Variants in FSTL4 observed in about 807,000 individuals in gnomAD.
FSTL4 encodes the protein follistatin-related protein 4.
In FSTL4, 28 loss-of-function variants were observed where a neutral mutation model predicts 78.2. The ratio of observed to expected loss-of-function variants is 0.36; its 90% CI spans 0.27 to 0.49. FSTL4 has a LOEUF of 0.49. FSTL4 is among the 20% of genes least tolerant of loss of function. FSTL4 has a pLI of 0.98. For synonymous variants in FSTL4, 422 were observed against 440.5 expected (o/e 0.96, Z 0.53); for missense variants, 922 against 1,084.9 (o/e 0.85, Z 2.11).
chr5:133,525,596 T>C (rs370244404), intron 3 of FSTL4, among the ~76,000 whole-genome samples: 18 of 152,350 alleles, frequency 1.2e-4, no homozygotes, highest in African/African-American at 4.3e-4. Flanking sequence ...GTCCTGGCCT[T>C]GGCAATGATG....
intron 3 of FSTL4, among the ~76,000 whole-genome samples, chr5:133,465,267 C>G (rs1200782110): frequency 6.6e-6 from 1 of 152,220 alleles, no homozygotes; most frequent in Non-Finnish European, 1.5e-5. Flanking sequence ...TTCTTACCCA[C>G]CCTTCAAAGT....
At chr5:133,302,011 CA>C (rs549082735) in intron 6 of FSTL4, among the ~76,000 whole-genome samples, 67 of 152,136 alleles carry the variant, frequency 4.4e-4, no homozygotes, top group African/African-American at 1.5e-3. Context: ...CAGAGGAGAA[CA>C]AAACTCTTCT....
intron 6 of FSTL4, among the ~76,000 whole-genome samples, chr5:133,286,802 T>C (rs768514352): frequency 3.9e-4 from 60 of 152,196 alleles, no homozygotes; most frequent in South Asian, 8.3e-4. Context: ...TCTCTCTGTT[T>C]TTACTTTAAG....
chr5:133,710,211 C>T, the FSTL4 span, among the ~76,000 whole-genome samples: 1 of 152,216 alleles, frequency 6.6e-6, no homozygotes, highest in Admixed American at 6.5e-5. Flanking sequence ...GAAAAATGGA[C>T]TCTGCAATAT....
chr5:133,550,614 T>C (rs246418), intron 3 of FSTL4, among the ~76,000 whole-genome samples: 10,982 of 152,284 alleles, frequency 0.072, 537 homozygotes, highest in Non-Finnish European at 0.099. Flanking sequence ...AGGAGGTAGA[T>C]AGAACTATCA....
intron 6 of FSTL4, among the ~76,000 whole-genome samples, chr5:133,302,259 C>T (rs1301065976): frequency 6.6e-6 from 1 of 152,094 alleles, no homozygotes; most frequent in Non-Finnish European, 1.5e-5. Flanking sequence ...AGAACATCTG[C>T]TCCTCCATCC....
At chr5:133,396,595 G>A (rs140167078) in intron 4 of FSTL4, among the ~76,000 whole-genome samples, 96 of 152,340 alleles carry the variant, frequency 6.3e-4, no homozygotes, top group South Asian at 1.4e-3. Flanking sequence ...AGCTGGGGAT[G>A]TAAGAAGCTT....
At chr5:133,689,525 G>A in the FSTL4 span, among the ~76,000 whole-genome samples, 7 of 152,154 alleles carry the variant, frequency 4.6e-5, no homozygotes, top group African/African-American at 1.7e-4. Flanking sequence ...TATTTATTTG[G>A]TCTACAGATA....
At chr5:133,770,229 C>A in the FSTL4 span, among the ~76,000 whole-genome samples, 1 of 152,068 alleles carries the variant, frequency 6.6e-6, no homozygotes, top group Non-Finnish European at 1.5e-5. Context: ...ATAATTATTT[C>A]TTTCCCTTTG....
Position 133,567,196 on chromosome 5 carries a change from T to G in FSTL4, c.150A>C (p.Thr50=). The change falls in exon 3 of 16, where the codon ACA becomes ACC. Residue 50 remains threonine, a synonymous_variant. Coordinates refer to ENST00000265342, the MANE Select transcript of FSTL4 (RefSeq NM_015082.2). ...QAEEPRSFEV[T]RREGLSSHNE... ...GTGCATTTTTCCTACCTTCTCTTCT[T>G]GTGACTTCAAAGCTTCTGGGCTCCT... is the stretch of plus-strand genomic sequence containing the variant. 1 of 1,608,932 alleles carries G rather than the reference T, an allele frequency of 6.2e-7. No individual in the cohort carries two copies. Among genetic ancestry groups the G allele is most frequent in the Non-Finnish European group, 8.5e-7 (1 of 1,175,226 alleles).
At chr5:133,734,415 G>T in the FSTL4 span, among the ~76,000 whole-genome samples, 2 of 152,138 alleles carry the variant, frequency 1.3e-5, no homozygotes, top group African/African-American at 2.4e-5. Context: ...AATATGTGGA[G>T]GTGTTATCTG....
At chr5:133,686,284 ACT>A in the FSTL4 span, among the ~76,000 whole-genome samples, 1 of 152,128 alleles carries the variant, frequency 6.6e-6, no homozygotes, top group South Asian at 2.1e-4. Flanking sequence ...GTGTCATCAA[ACT>A]CTCCTCAGTT....
intron 13 of FSTL4, among the ~76,000 whole-genome samples, chr5:133,211,615 G>C (rs969904627): frequency 1.3e-5 from 2 of 152,130 alleles, no homozygotes; most frequent in Non-Finnish European, 2.9e-5. Context: ...CTTTCACCAA[G>C]TTTCTGAATT....
At chr5:133,769,080 T>C in the FSTL4 span, among the ~76,000 whole-genome samples, 4 of 152,238 alleles carry the variant, frequency 2.6e-5, no homozygotes, top group African/African-American at 4.8e-5. Context: ...AGAAAGTTCT[T>C]TGGGCGATGT....
chr5:133,341,072 ATT>A (rs1170142154), intron 4 of FSTL4, among the ~76,000 whole-genome samples: 2 of 152,150 alleles, frequency 1.3e-5, no homozygotes, highest in African/African-American at 4.8e-5. Context: ...GCCCACTCTC[ATT>A]CGCATCACAC....
chr5:133,794,676 T>G, the FSTL4 span, among the ~76,000 whole-genome samples: 1 of 152,184 alleles, frequency 6.6e-6, no homozygotes, highest in Non-Finnish European at 1.5e-5. Flanking sequence ...GTCACCCATG[T>G]AGTTCTATCA....
At chr5:133,212,561 G>T (rs996054630) in intron 13 of FSTL4, among the ~76,000 whole-genome samples, 1 of 152,186 alleles carries the variant, frequency 6.6e-6, no homozygotes, top group African/African-American at 2.4e-5. Context: ...ATTAGAAACA[G>T]AAGATAGGTT....
At chr5:133,371,048 C>G (rs1755286904) in intron 4 of FSTL4, among the ~76,000 whole-genome samples, 2 of 152,198 alleles carry the variant, frequency 1.3e-5, no homozygotes, top group African/African-American at 4.8e-5. Flanking sequence ...CAGTACCAGC[C>G]TGGTTCTCTG....
At chr5:133,368,303 C>T (rs1162605392) in intron 4 of FSTL4, among the ~76,000 whole-genome samples, 1 of 152,236 alleles carries the variant, frequency 6.6e-6, no homozygotes. Flanking sequence ...CCTTGGATGC[C>T]AAGGCTCAGG....
Sources: allele counts gnomAD v4.1 joint callset (sites outside exome capture counted in the v4.1 genomes callset), GRCh38; gene constraint gnomAD v4.1.1; transcripts MANE v1.5; gene names NCBI Gene and HGNC (gene_info 2026-07-23, HGNC 2026-07-21).